The following FRMPD4 variants were observed in gnomAD, a reference collection of about 807,000 sequenced individuals.
The protein encoded by FRMPD4 is FERM and PDZ domain-containing protein 4.
A neutral mutation model predicts 94.1 loss-of-function variants in FRMPD4; 22 were observed. That is an observed-to-expected ratio of 0.23 (90% CI 0.17 to 0.33). The LOEUF (loss-of-function observed/expected upper bound fraction) is 0.33, where lower values mean the gene tolerates loss of function less well. Ranked by LOEUF, FRMPD4 falls within the 10% of genes least tolerant of loss-of-function variation. The pLI is 1.00. For synonymous variants in FRMPD4, 631 were observed against 548.6 expected (o/e 1.15, Z -2.10); for missense variants, 1,111 against 1,339.9 (o/e 0.83, Z 2.67).
intron 2 of FRMPD4, among the ~76,000 whole-genome samples, chrX:12,528,680 C>A (rs1336152884): frequency 9.0e-6 from 1 of 111,469 alleles, no homozygotes; most frequent in East Asian, 2.8e-4. Flanking sequence ...CTGACCCAGC[C>A]TGCACTGGGC....
chrX:12,605,894 T>A (rs915553323), intron 2 of FRMPD4, among the ~76,000 whole-genome samples: 2 of 112,189 alleles, frequency 1.8e-5, no homozygotes, highest in African/African-American at 6.5e-5. Flanking sequence ...ATTTTACTAA[T>A]GTGTTAGTTT....
intron 1 of FRMPD4, among the ~76,000 whole-genome samples, chrX:12,197,228 G>C (rs141428807): frequency 0.012 from 1,306 of 111,249 alleles, 22 homozygotes; most frequent in African/African-American, 0.039. Context: ...TGGAATTCCA[G>C]GAGTGACCCC....
intron 4 of FRMPD4, among the ~76,000 whole-genome samples, chrX:12,650,194 G>A (rs1307762015): frequency 2.7e-5 from 3 of 112,212 alleles, no homozygotes; most frequent in African/African-American, 6.5e-5. Context: ...AAGGGTAAGC[G>A]CCTTGGGTCT....
chrX:12,116,806 A>G (rs1404725693), intron 3 of FRMPD4, among the ~76,000 whole-genome samples: 1 of 112,196 alleles, frequency 8.9e-6, no homozygotes, highest in Non-Finnish European at 1.9e-5. Flanking sequence ...ATTAGATAAC[A>G]TATATATTTG....
intron 1 of FRMPD4, among the ~76,000 whole-genome samples, chrX:11,850,911 C>G (rs1288799056): frequency 8.9e-6 from 1 of 112,219 alleles, no homozygotes; most frequent in African/African-American, 3.2e-5. Flanking sequence ...GTACTTAACA[C>G]TACTGAACTG....
At chrX:12,608,566 T>C (rs1009042213) in intron 2 of FRMPD4, among the ~76,000 whole-genome samples, 5 of 112,545 alleles carry the variant, frequency 4.4e-5, no homozygotes, top group African/African-American at 9.7e-5. Flanking sequence ...AACAGGATAG[T>C]GTGTCACCAC....
chrX:12,448,765 T>G (rs2057230698), intron 1 of FRMPD4, among the ~76,000 whole-genome samples: 1 of 112,287 alleles, frequency 8.9e-6, no homozygotes, highest in South Asian at 3.7e-4. Flanking sequence ...AAGTGATATG[T>G]TGAAGATTAA....
intron 3 of FRMPD4, among the ~76,000 whole-genome samples, chrX:11,894,979 C>T (rs968336094): frequency 8.9e-6 from 1 of 112,148 alleles, no homozygotes; most frequent in Non-Finnish European, 1.9e-5. Flanking sequence ...ACAGACCAAG[C>T]AAGTGGAATC....
In FRMPD4 at chrX:12,253,172, T is replaced by A. The variant is rs183760299; in HGVS notation, c.41+114160T>A. On this transcript the variant is annotated intron_variant, in intron 1 of 16. Transcript: ENST00000675598. Reference sequence around the variant, plus strand: ...TGTGCTCTAGATGAAGACATAGACTTACTGCCAGTCCTTCTTAAAGGTAGA... The same window carrying A: ...TGTGCTCTAGATGAAGACATAGACTAACTGCCAGTCCTTCTTAAAGGTAGA... Among the ~76,000 whole-genome samples the A allele has an allele frequency of 7.1e-5, 8 of 112,141 alleles. No homozygotes were observed. The East Asian group carries it at 2.0e-3, about 28-fold the overall frequency.
At chrX:12,522,289 C>T (rs747769687) in intron 2 of FRMPD4, among the ~76,000 whole-genome samples, 1 of 111,510 alleles carries the variant, frequency 9.0e-6, no homozygotes, top group African/African-American at 3.3e-5. Context: ...CCCTGCATAG[C>T]CATTTGCACT....
intron 8 of FRMPD4, 106 bp from the exon 9 acceptor site, chrX:12,694,229 G>A (rs1272958883): frequency 3.0e-5 from 17 of 560,164 alleles, no homozygotes; most frequent in Middle Eastern, 3.4e-4. Flanking sequence ...AAGAATATCC[G>A]CTGATTCTTT....
intron 4 of FRMPD4, among the ~76,000 whole-genome samples, chrX:12,635,691 G>A (rs907389856): frequency 3.6e-5 from 4 of 111,587 alleles, no homozygotes; most frequent in Non-Finnish European, 7.5e-5. Flanking sequence ...AGTGGGAAAG[G>A]TTGGTTCTGC....
chrX:12,312,239 C>CT (rs200625685), intron 1 of FRMPD4, among the ~76,000 whole-genome samples: 1,375 of 61,419 alleles, frequency 0.022, 376 homozygotes, highest in Non-Finnish European at 0.032. Context: ...TGCTCCATTA[C>CT]TTTTTTTTTT....
intron 3 of FRMPD4, among the ~76,000 whole-genome samples, chrX:11,924,396 A>T (rs1319804743): frequency 8.9e-6 from 1 of 112,110 alleles, no homozygotes; most frequent in East Asian, 2.8e-4. Context: ...CAAATTCAGG[A>T]AATGCAGAGA....
intron 1 of FRMPD4, among the ~76,000 whole-genome samples, chrX:11,830,060 G>A (rs2053466419): frequency 9.0e-6 from 1 of 111,269 alleles, no homozygotes; most frequent in Non-Finnish European, 1.9e-5. Context: ...TGCCTATGGT[G>A]CACAGAACAT....
chrX:11,832,095 A>G (rs1394171357), intron 1 of FRMPD4, among the ~76,000 whole-genome samples: 1 of 111,729 alleles, frequency 9.0e-6, no homozygotes, highest in African/African-American at 3.3e-5. Flanking sequence ...TTTGTCCTCC[A>G]GGAACTCAAG....
At chrX:12,558,432 A>G (rs904757461) in intron 2 of FRMPD4, among the ~76,000 whole-genome samples, 7 of 113,068 alleles carry the variant, frequency 6.2e-5, no homozygotes, top group Non-Finnish European at 1.1e-4. Context: ...AAATGCATGC[A>G]AAAGAAAGTA....
intron 4 of FRMPD4, among the ~76,000 whole-genome samples, chrX:12,648,125 A>G (rs2059564565): frequency 9.0e-6 from 1 of 111,372 alleles, no homozygotes; most frequent in Admixed American, 9.6e-5. Flanking sequence ...GACACCATAA[A>G]TTCCCAATAT....
chrX:12,526,399 G>C (rs1372259986), intron 2 of FRMPD4, among the ~76,000 whole-genome samples: 3 of 112,704 alleles, frequency 2.7e-5, no homozygotes, highest in Non-Finnish European at 5.6e-5. Flanking sequence ...ACCTTTTCTG[G>C]AATATTATTC....
Sources: gnomAD v4.1 joint callset for allele counts (sites outside exome capture counted in the v4.1 genomes callset) on GRCh38, gnomAD v4.1.1 for gene constraint, MANE v1.5 for transcripts, NCBI Gene and HGNC (gene_info 2026-07-23, HGNC 2026-07-21) for gene names.